The following HMCN1 variants were observed in gnomAD, a reference collection of about 807,000 sequenced individuals.
HMCN1 encodes hemicentin 1, also known as hemicentin-1.
A neutral mutation model predicts 625.9 loss-of-function variants in HMCN1; 321 were observed. That is an observed-to-expected ratio of 0.51 (90% CI 0.47 to 0.56). The LOEUF is 0.56. HMCN1 is among the 20% of genes least tolerant of loss of function. The probability of loss-of-function intolerance (pLI) is 0.00; values close to 1 mark genes in which losing one functional copy is unlikely to be tolerated. For synonymous variants in HMCN1, 2,425 were observed against 2,417.6 expected (o/e 1.00, Z -0.09); for missense variants, 6,588 against 6,887.3 (o/e 0.96, Z 1.54).
chr1:185,864,117 C>T (rs560491517), intron 2 of HMCN1, among the ~76,000 whole-genome samples: 1 of 152,218 alleles, frequency 6.6e-6, no homozygotes, highest in South Asian at 2.1e-4. Context: ...TTGCTTCTGT[C>T]TTCTCAATAC....
At chr1:185,846,140 A>T (rs745519109) in intron 2 of HMCN1, 44 bp downstream of exon 2, 2 of 1,395,700 alleles carry the variant, frequency 1.4e-6, no homozygotes, top group African/African-American at 1.4e-5. Context: ...ATGGAAAATC[A>T]TGAGCCTTTG....
chr1:185,961,713 GT>G (rs1186071502), intron 11 of HMCN1, among the ~76,000 whole-genome samples: 1 of 152,084 alleles, frequency 6.6e-6, no homozygotes, highest in African/African-American at 2.4e-5. Context: ...TCAGAGAATT[GT>G]TTTCTTTTTG....
At chr1:185,970,673 T>G (rs982321942) in intron 15 of HMCN1, among the ~76,000 whole-genome samples, 180 bp downstream of exon 15, 7 of 152,124 alleles carry the variant, frequency 4.6e-5, no homozygotes, top group Admixed American at 4.6e-4. Flanking sequence ...TCTTTTTTTT[T>G]TTTGATACGG....
chr1:186,037,350 C>G (rs917618143), intron 36 of HMCN1, among the ~76,000 whole-genome samples: 1 of 152,042 alleles, frequency 6.6e-6, no homozygotes, highest in Admixed American at 6.6e-5. Context: ...TTCCTACTTT[C>G]CAAGTACATT....
At chr1:185,775,694 A>G (rs1656552438) in intron 1 of HMCN1, among the ~76,000 whole-genome samples, 1 of 152,178 alleles carries the variant, frequency 6.6e-6, no homozygotes, top group Non-Finnish European at 1.5e-5. Flanking sequence ...TAACTAATTG[A>G]TTGTGAATGC....
chr1:185,751,037 C>T (rs989721246), intron 1 of HMCN1, among the ~76,000 whole-genome samples: 10 of 152,108 alleles, frequency 6.6e-5, no homozygotes, highest in African/African-American at 1.9e-4. Context: ...TTTTTAAACA[C>T]ACCCAAATTA....
chr1:185,925,000 A>T (rs1667203469), intron 8 of HMCN1, 47 bp from the exon 9 acceptor site: 1 of 1,510,448 alleles, frequency 6.6e-7, no homozygotes, highest in Non-Finnish European at 9.0e-7. Flanking sequence ...CATCATTGTG[A>T]CCTTCTTGCT....
intron 2 of HMCN1, among the ~76,000 whole-genome samples, chr1:185,848,477 A>G (rs1661970648): frequency 6.6e-6 from 1 of 152,022 alleles, no homozygotes; most frequent in South Asian, 2.1e-4. Context: ...GTGTTCCTCA[A>G]GGTTTTGAAA....
intron 1 of HMCN1, among the ~76,000 whole-genome samples, chr1:185,829,300 T>A (rs12090015): frequency 0.34 from 51,142 of 150,050 alleles, 9,953 homozygotes; most frequent in African/African-American, 0.54. Context: ...CTAAAAAAAA[T>A]AAAAGGGGGA....
intron 4 of HMCN1, among the ~76,000 whole-genome samples, chr1:185,907,601 C>T (rs1483011109): frequency 6.6e-6 from 1 of 151,954 alleles, no homozygotes; most frequent in Non-Finnish European, 1.5e-5. Context: ...TCTCTTCTGT[C>T]TGGTTTGAAT....
At chr1:185,999,732 T>C (rs1216977236) in intron 25 of HMCN1, among the ~76,000 whole-genome samples, 3 of 152,120 alleles carry the variant, frequency 2.0e-5, no homozygotes, top group Non-Finnish European at 4.4e-5. Flanking sequence ...AGGATTAATA[T>C]AGTTCCTGCC....
chr1:186,033,909 C>G (rs1346912148), intron 36 of HMCN1, among the ~76,000 whole-genome samples: 1 of 151,778 alleles, frequency 6.6e-6, no homozygotes, highest in African/African-American at 2.4e-5. Flanking sequence ...TGGTTTTCAT[C>G]GTTGTGTCTT....
intron 93 of HMCN1, among the ~76,000 whole-genome samples, chr1:186,148,250 T>C (rs1258115937): frequency 1.3e-5 from 2 of 152,192 alleles, no homozygotes; most frequent in Non-Finnish European, 2.9e-5. Context: ...GTCCCATCTT[T>C]AGGATATACT....
chr1:186,039,654 A>G, intron 38 of HMCN1, 74 bp from the exon 39 acceptor site: 1 of 1,438,968 alleles, frequency 6.9e-7, no homozygotes, highest in Non-Finnish European at 9.8e-7. Context: ...TGTAGACATT[A>G]GATGTAGTTT....
chr1:186,136,927 C>T lies in HMCN1; in HGVS notation c.13572C>T (p.Val4524=). Residue 4524 remains valine, a synonymous_variant, in exon 87 of 107, where the codon GTC becomes GTT. Coordinates refer to ENST00000271588, the MANE Select transcript of HMCN1 (RefSeq NM_031935.3). ...GTTCTGTCCTTGTCAGAGTGCCAGT[C>T]ATAGTCCAGGGTGAGTGTGATCAGA... ...LMGSVLVRVP[V]IVQVHGGFSQ... 6.2e-7 allele frequency: 1 copy of T among 1,613,604 alleles called. No homozygotes were observed. Among genetic ancestry groups the T allele is most frequent in the Non-Finnish European group, 8.5e-7 (1 of 1,179,876 alleles).
chr1:185,881,005 G>C (rs930531965), intron 4 of HMCN1, among the ~76,000 whole-genome samples: 9 of 152,230 alleles, frequency 5.9e-5, no homozygotes, highest in Non-Finnish European at 1.2e-4. Flanking sequence ...CTTTGCGGCA[G>C]CATCCAGCCA....
At chr1:185,878,886 T>A (rs1664118456) in intron 4 of HMCN1, among the ~76,000 whole-genome samples, 1 of 152,172 alleles carries the variant, frequency 6.6e-6, no homozygotes, top group Non-Finnish European at 1.5e-5. Flanking sequence ...TCAGCCATCA[T>A]CCTATGTTCA....
At chr1:185,871,420 T>A (rs1206805450) in intron 4 of HMCN1, among the ~76,000 whole-genome samples, 1 of 152,136 alleles carries the variant, frequency 6.6e-6, no homozygotes, top group Admixed American at 6.5e-5. Flanking sequence ...TGTGTCAGTT[T>A]CCTTATCTGT....
rs535413147 is a variant in HMCN1 at position 185,780,202 on chromosome 1, C to T, written c.268+45155C>T. ...TGATTTTTGTGCATTGATTTTGTAT[C>T]CTGAGACTTTGCTGAAGTTGCTTAT... On this transcript the variant is annotated intron_variant, in intron 1 of 106. Transcript: ENST00000271588. Among the ~76,000 whole-genome samples, 117 of 152,256 alleles carry T rather than the reference C, an allele frequency of 7.7e-4. No homozygotes were observed. In the Middle Eastern group the frequency reaches 0.01, roughly 13 times the overall value.
Sources: allele counts gnomAD v4.1 joint callset (sites outside exome capture counted in the v4.1 genomes callset), GRCh38; gene constraint gnomAD v4.1.1; transcripts MANE v1.5; gene names NCBI Gene and HGNC (gene_info 2026-07-23, HGNC 2026-07-21).